TTLL7: variants seen among roughly 807,000 people sequenced by gnomAD.
TTLL7 encodes the protein tubulin tyrosine ligase like 7.
Under a neutral mutation model 120.2 loss-of-function variants are expected in TTLL7, and 53 were observed. The ratio of observed to expected loss-of-function variants is 0.44; its 90% CI spans 0.35 to 0.55. The LOEUF is 0.55. Ranked by LOEUF, TTLL7 falls within the 20% of genes least tolerant of loss-of-function variation. The probability of loss-of-function intolerance (pLI) is 0.00; values close to 1 mark genes in which losing one functional copy is unlikely to be tolerated. For synonymous variants in TTLL7, 353 were observed against 351.7 expected, an observed-to-expected ratio of 1.00 and a Z score of -0.04; for missense variants, 803 against 1,054.7, an observed-to-expected ratio of 0.76 and a Z score of 3.31.
chr1:83,909,269 CTTTTTTTTTTTT>C (rs71582911), intron 15 of TTLL7, among the ~76,000 whole-genome samples: 2 of 99,296 alleles, frequency 2.0e-5, no homozygotes, highest in African/African-American at 7.7e-5. Flanking sequence ...TTTTTTTTTC[CTTTTTTTTTTTT>C]TTTTTTTGCC....
At chr1:83,956,867 T>C (rs1649576149) in intron 1 of TTLL7, among the ~76,000 whole-genome samples, 1 of 152,208 alleles carries the variant, frequency 6.6e-6, no homozygotes, top group Admixed American at 6.5e-5. Flanking sequence ...GGGGTGGGGC[T>C]AAGGGAGACT....
intron 9 of TTLL7, 44 bp downstream of exon 9, chr1:83,933,564 T>A (rs752088055): frequency 1.3e-6 from 2 of 1,588,240 alleles, no homozygotes; most frequent in South Asian, 2.3e-5. Context: ...TTTTAATACG[T>A]AAGGACAGTG....
At chr1:83,931,734 T>C (rs1659616150) in intron 9 of TTLL7, among the ~76,000 whole-genome samples, 1 of 152,088 alleles carries the variant, frequency 6.6e-6, no homozygotes, top group African/African-American at 2.4e-5. Context: ...ATGTTTTTCC[T>C]AAAAAAATGT....
At chr1:83,988,540 G>C (rs1571403675) in intron 1 of TTLL7, among the ~76,000 whole-genome samples, 1 of 152,218 alleles carries the variant, frequency 6.6e-6, no homozygotes, top group Middle Eastern at 3.4e-3. Context: ...CAGCCTTGCT[G>C]GCATCTGTTG....
intron 20 of TTLL7, among the ~76,000 whole-genome samples, chr1:83,877,492 T>G (rs943922331): frequency 2.6e-5 from 4 of 151,944 alleles, no homozygotes; most frequent in Admixed American, 2.0e-4. Context: ...GTGGAAGGGC[T>G]CTTAATAATT....
At chr1:83,889,239 T>C (rs930635177) in intron 19 of TTLL7, among the ~76,000 whole-genome samples, 2 of 151,936 alleles carry the variant, frequency 1.3e-5, no homozygotes, top group Non-Finnish European at 2.9e-5. Flanking sequence ...ACAGATCCCA[T>C]AAGAATTCAC....
chr1:83,967,812 T>C (rs1421813713), intron 1 of TTLL7, among the ~76,000 whole-genome samples: 1 of 151,648 alleles, frequency 6.6e-6, no homozygotes, highest in African/African-American at 2.4e-5. Context: ...AATGGCAAAA[T>C]TTCCAAAACG....
intron 1 of TTLL7, among the ~76,000 whole-genome samples, chr1:83,973,244 T>G (rs554480926): frequency 2.0e-5 from 3 of 152,236 alleles, no homozygotes; most frequent in African/African-American, 7.2e-5. Context: ...AGTTAATTTT[T>G]GTGAAGAGTG....
At position 83,906,456 on chromosome 1, in the gene TTLL7, G is replaced by A. The variant is rs1170433582; in HGVS notation, c.2000C>T (p.Ser667Phe). 7 of 1,611,798 alleles carry A rather than the reference G, an allele frequency of 4.3e-6. No homozygotes were observed. Among genetic ancestry groups the A allele is most frequent in the Non-Finnish European group, 5.9e-6 (7 of 1,178,692 alleles). The stretch of plus-strand genomic sequence containing the variant: ...TTCTTTTGTTTTCAGTTGCCGCAAA[G>A]ACTCACTCTTAAATTTGAAAGAATA... ...ACSTNSQVSE[S>F]LRQLKTKEQE... The change falls in exon 17 of 21, where the codon TCT becomes TTT. Residue 667 changes from serine (S) to phenylalanine (F), a missense_variant. Coordinates refer to ENST00000260505, the MANE Select transcript of TTLL7 (RefSeq NM_024686.6).
chr1:83,871,852 G>A lies in TTLL7; in HGVS notation c.2544-1770C>T, dbSNP rs1356144748. Among the ~76,000 whole-genome samples the A allele has an allele frequency of 2.7e-5, 4 of 145,568 alleles. No individual in the cohort carries two copies. In the East Asian group the frequency reaches 6.2e-4, roughly 22 times the overall value. On this transcript the variant is annotated intron_variant, in intron 20 of 20. Transcript: ENST00000260505. ...GCAGAGCTTGCAGTGAGCCGAGATC[G>A]TGCCACTGCACTTGAGCCTGGGCGA... is the stretch of plus-strand genomic sequence containing the variant.
intron 1 of TTLL7, among the ~76,000 whole-genome samples, chr1:83,997,295 A>G (rs1283521596): frequency 1.3e-5 from 2 of 152,212 alleles, no homozygotes; most frequent in Non-Finnish European, 2.9e-5. Flanking sequence ...GCCTCTTGAG[A>G]CATAAACAAG....
At chr1:83,880,778 G>A (rs541134376) in intron 20 of TTLL7, among the ~76,000 whole-genome samples, 9 of 152,018 alleles carry the variant, frequency 5.9e-5, no homozygotes, top group East Asian at 1.9e-4. Flanking sequence ...AGCCCGCATC[G>A]CCAAGTCAAT....
At chr1:83,989,913 T>G (rs1193745655) in intron 1 of TTLL7, among the ~76,000 whole-genome samples, 1 of 152,162 alleles carries the variant, frequency 6.6e-6, no homozygotes, top group Non-Finnish European at 1.5e-5. Flanking sequence ...AGGCTTTGGT[T>G]GTTGTTGTTA....
intron 8 of TTLL7, among the ~76,000 whole-genome samples, chr1:83,935,954 AGAT>A (rs1234447802): frequency 6.6e-6 from 1 of 152,152 alleles, no homozygotes; most frequent in Non-Finnish European, 1.5e-5. Flanking sequence ...TTGAAAAGCT[AGAT>A]TTATTAACTG....
intron 8 of TTLL7, among the ~76,000 whole-genome samples, chr1:83,936,277 C>T (rs1647387872): frequency 6.6e-6 from 1 of 152,090 alleles, no homozygotes; most frequent in Admixed American, 6.6e-5. Context: ...ATACATGCCT[C>T]ACCAAAGCAG....
At chr1:83,913,920 G>A (rs1411341363) in intron 14 of TTLL7, among the ~76,000 whole-genome samples, 1 of 152,126 alleles carries the variant, frequency 6.6e-6, no homozygotes, top group Non-Finnish European at 1.5e-5. Context: ...GAAACATTGT[G>A]CCTCCAGGAT....
Position 83,911,273 on chromosome 1 carries a change from A to G in TTLL7, c.1678T>C (p.Ser560Pro). 6.2e-7 allele frequency: 1 copy of G among 1,613,576 alleles called. No individual in the cohort carries two copies. The highest frequency in any genetic ancestry group is 8.5e-7 in the Non-Finnish European group (1 of 1,179,704). ...DSSYDSSSSS[S>P]ESDENEKEEY... ...TCTTTTTCATTTTCGTCAGATTCTGAAGAGCTGCTGCTACTATCATAACTG... is the reference window on the plus strand; with the variant it reads ...TCTTTTTCATTTTCGTCAGATTCTGGAGAGCTGCTGCTACTATCATAACTG... Residue 560 changes from serine to proline, a missense_variant, in exon 15 of 21, where the codon TCA becomes CCA. Physicochemically the swap from Ser to Pro is moderately conservative, Grantham distance 74 (BLOSUM62 -1). Around this residue, in one of 3 missense-constraint regions of TTLL7, gnomAD observed 388 missense variants for 450.4 expected, o/e 0.86. Coordinates refer to ENST00000260505, the MANE Select transcript of TTLL7 (RefSeq NM_024686.6).
chr1:83,926,144 AT>A, intron 10 of TTLL7, among the ~76,000 whole-genome samples: 1 of 151,574 alleles, frequency 6.6e-6, no homozygotes, highest in South Asian at 2.1e-4. Context: ...GTAAATACAT[AT>A]GAGTGATTAG....
intron 1 of TTLL7, among the ~76,000 whole-genome samples, chr1:83,961,258 T>G (rs562235912): frequency 1.3e-5 from 2 of 152,278 alleles, no homozygotes; most frequent in South Asian, 4.1e-4. Flanking sequence ...AAATTTCAAC[T>G]GTGCTAATTT....
Sources: allele counts gnomAD v4.1 joint callset (sites outside exome capture counted in the v4.1 genomes callset), GRCh38; gene constraint gnomAD v4.1.1; regional missense constraint gnomAD v4.1.1; transcripts MANE v1.5; gene names NCBI Gene and HGNC (gene_info 2026-07-23, HGNC 2026-07-21).